Variants in NAALADL2 observed in about 807,000 individuals in gnomAD.
NAALADL2 encodes inactive N-acetylated-alpha-linked acidic dipeptidase-like protein 2.
NAALADL2 carries 76 observed loss-of-function variants against 87.2 expected under a neutral mutation model. That is an observed-to-expected ratio of 0.87 (90% CI 0.72 to 1.05). The LOEUF (loss-of-function observed/expected upper bound fraction) is 1.05, where lower values mean the gene tolerates loss of function less well. NAALADL2 is among the 50% of genes least tolerant of loss of function. The probability of loss-of-function intolerance (pLI) is 0.00; values close to 1 mark genes in which losing one functional copy is unlikely to be tolerated. For missense variants in NAALADL2, 1,089 were observed against 945.8 expected, an observed-to-expected ratio of 1.15 and a Z score of -1.99; for synonymous variants, 354 against 331.0, an observed-to-expected ratio of 1.07 and a Z score of -0.75.
chr3:175,093,681 G>C (rs546546915), intron 1 of NAALADL2, among the ~76,000 whole-genome samples: 28 of 151,248 alleles, frequency 1.9e-4, no homozygotes, highest in Non-Finnish European at 3.5e-4. Flanking sequence ...ACTCATTTCC[G>C]TAGTAATTTC....
intron 1 of NAALADL2, among the ~76,000 whole-genome samples, chr3:174,885,241 C>G (rs539030067): frequency 6.6e-6 from 1 of 152,146 alleles, no homozygotes; most frequent in Non-Finnish European, 1.5e-5. Context: ...GTCGGCCACT[C>G]GCATGATAAG....
At chr3:174,863,871 CT>C (rs1365348998) in intron 1 of NAALADL2, 1 of 323,104 alleles carries the variant, frequency 3.1e-6, no homozygotes, top group African/African-American at 2.3e-5. Flanking sequence ...CCTGTTGGAC[CT>C]GTGTTCCATG....
chr3:175,160,925 T>C (rs914579757), intron 2 of NAALADL2, among the ~76,000 whole-genome samples: 7 of 152,140 alleles, frequency 4.6e-5, no homozygotes, highest in Admixed American at 1.3e-4. Flanking sequence ...TATCAGTATA[T>C]TTGTATTTGT....
intron 2 of NAALADL2, among the ~76,000 whole-genome samples, chr3:175,188,349 T>C (rs895620802): frequency 6.6e-6 from 1 of 152,048 alleles, no homozygotes; most frequent in African/African-American, 2.4e-5. Flanking sequence ...CATCCCCTAA[T>C]ATTGCTCCCT....
At chr3:175,223,905 C>A (rs566949337) in intron 2 of NAALADL2, among the ~76,000 whole-genome samples, 1 of 152,218 alleles carries the variant, frequency 6.6e-6, no homozygotes, top group African/African-American at 2.4e-5. Context: ...ATGCTAAGGA[C>A]TTTACATATG....
chr3:175,350,102 T>C (rs1331185629), intron 5 of NAALADL2, among the ~76,000 whole-genome samples: 3 of 152,146 alleles, frequency 2.0e-5, no homozygotes, highest in African/African-American at 7.2e-5. Context: ...TAAGTCTTTC[T>C]TTCAATCAGA....
chr3:174,823,797 G>A (rs1424303600), intron 3 of NAALADL2, among the ~76,000 whole-genome samples: 5 of 151,714 alleles, frequency 3.3e-5, no homozygotes, highest in African/African-American at 7.3e-5. Context: ...CACAACCTCC[G>A]CCTCCCGGGT....
At chr3:175,246,672 A>G (rs1468058353) in intron 3 of NAALADL2, among the ~76,000 whole-genome samples, 1 of 152,160 alleles carries the variant, frequency 6.6e-6, no homozygotes, top group African/African-American at 2.4e-5. Context: ...AGCTGATTGT[A>G]GGAAATAATA....
At chr3:174,492,929 T>G (rs959706258) in intron 1 of NAALADL2, among the ~76,000 whole-genome samples, 1 of 152,208 alleles carries the variant, frequency 6.6e-6, no homozygotes, top group Non-Finnish European at 1.5e-5. Context: ...AATTCAGTTA[T>G]TCTTCTTTAG....
At chr3:175,707,269 A>T (rs1195410712) in intron 11 of NAALADL2, among the ~76,000 whole-genome samples, 1 of 152,156 alleles carries the variant, frequency 6.6e-6, no homozygotes, top group Non-Finnish European at 1.5e-5. Context: ...CACTGAATAG[A>T]CATAGCTGTA....
At chr3:174,705,447 A>G (rs543517755) in intron 2 of NAALADL2, among the ~76,000 whole-genome samples, 1 of 152,308 alleles carries the variant, frequency 6.6e-6, no homozygotes, top group Non-Finnish European at 1.5e-5. Context: ...CAGTTACAAT[A>G]TATTCCAGGA....
chr3:175,012,387 C>A (rs1749951379), intron 1 of NAALADL2, among the ~76,000 whole-genome samples: 1 of 151,988 alleles, frequency 6.6e-6, no homozygotes, highest in Non-Finnish European at 1.5e-5. Context: ...AGGCTGGTCT[C>A]GAACTCCTGA....
intron 1 of NAALADL2, among the ~76,000 whole-genome samples, chr3:175,056,354 T>C (rs1712168013): frequency 6.6e-6 from 1 of 152,098 alleles, no homozygotes; most frequent in South Asian, 2.1e-4. Flanking sequence ...CTTGTCCCAT[T>C]GTTACCCTGA....
chr3:174,889,344 G>A (rs1306908610), intron 1 of NAALADL2, among the ~76,000 whole-genome samples: 1 of 151,996 alleles, frequency 6.6e-6, no homozygotes, highest in Non-Finnish European at 1.5e-5. Context: ...TCTTTTAACT[G>A]CTTCTCTTTT....
intron 11 of NAALADL2, among the ~76,000 whole-genome samples, chr3:175,734,012 G>A (rs11708588): frequency 0.24 from 35,980 of 152,102 alleles, 4,520 homozygotes; most frequent in African/African-American, 0.31. Flanking sequence ...TGCTTTTACC[G>A]GCTGGTGTTG....
intron 11 of NAALADL2, among the ~76,000 whole-genome samples, chr3:175,690,168 A>G (rs897276020): frequency 6.6e-6 from 1 of 152,000 alleles, no homozygotes; most frequent in African/African-American, 2.4e-5. Context: ...ATTTCCTTCT[A>G]TGACTTGTGG....
chr3:174,595,618 A>T (rs999480419), intron 2 of NAALADL2, among the ~76,000 whole-genome samples: 1 of 152,136 alleles, frequency 6.6e-6, no homozygotes. Context: ...TTTTGAAAAG[A>T]GGTTACTGGT....
At chr3:174,785,059 T>A (rs1287603669) in intron 3 of NAALADL2, among the ~76,000 whole-genome samples, 1 of 152,194 alleles carries the variant, frequency 6.6e-6, no homozygotes, top group African/African-American at 2.4e-5. Flanking sequence ...ACGGGGTACA[T>A]GTGCATGTTT....
At chr3:175,700,101 C>T (rs539434341) in intron 11 of NAALADL2, among the ~76,000 whole-genome samples, 1 of 152,234 alleles carries the variant, frequency 6.6e-6, no homozygotes, top group Non-Finnish European at 1.5e-5. Context: ...TACTACAGTG[C>T]TCTTTTGAGA....
Sources: gnomAD v4.1 joint callset for allele counts (sites outside exome capture counted in the v4.1 genomes callset) on GRCh38, gnomAD v4.1.1 for gene constraint, MANE v1.5 for transcripts, NCBI Gene and HGNC (gene_info 2026-07-23, HGNC 2026-07-21) for gene names.